Variants in ASCC2 observed in about 807,000 individuals in gnomAD.
The protein encoded by ASCC2 is ASC-1 complex subunit P100.
ASCC2 carries 42 observed loss-of-function variants against 93.5 expected under a neutral mutation model. The observed-to-expected ratio is 0.45, with a 90% CI of 0.35 to 0.58. The LOEUF is 0.58. Among genes scored for constraint, ASCC2 ranks in the 20% least tolerant of loss-of-function variants. The probability of loss-of-function intolerance (pLI) is 0.00; values close to 1 mark genes in which losing one functional copy is unlikely to be tolerated. For synonymous variants in ASCC2, 364 were observed against 384.2 expected, an observed-to-expected ratio of 0.95 and a Z score of 0.62; for missense variants, 859 against 977.6, an observed-to-expected ratio of 0.88 and a Z score of 1.62.
rs761541699 is a variant in ASCC2, at chr22:29,808,100, C to T, written c.908+11G>A. The T allele has an allele frequency of 5.6e-6, 9 of 1,613,984 alleles. No individual in the cohort carries two copies. In the South Asian group the frequency reaches 9.9e-5, roughly 18 times the overall value. On this transcript the variant is annotated intron_variant, in intron 9 of 19. Transcript: ENST00000307790. ...CCCACAACAACATTCTTAATTTTGTCCCCGCCTCACTTGCTATCTTCAAGC... is the reference window on the plus strand; with the variant it reads ...CCCACAACAACATTCTTAATTTTGTTCCCGCCTCACTTGCTATCTTCAAGC...
chr22:29,816,982 T>C (rs868656606), intron 5 of ASCC2, among the ~76,000 whole-genome samples: 6 of 152,208 alleles, frequency 3.9e-5, no homozygotes, highest in Admixed American at 2.6e-4. Flanking sequence ...TTTGGGCAGG[T>C]CTGTCCTTGG....
Position 29,806,812 on chromosome 22 carries a change from G to C in ASCC2, c.1001C>G (p.Pro334Arg). The C allele has an allele frequency of 6.2e-7, 1 of 1,612,736 alleles. No homozygotes were observed. Among genetic ancestry groups the C allele is most frequent in the South Asian group, 1.1e-5 (1 of 91,046 alleles). ...HIILNQICLLPILESSCDNIQ... is the reference protein window; with the variant it reads ...HIILNQICLLRILESSCDNIQ... ...GAGGGCTTACCTGCTTTCTAGGATGGGAAGGAGGCAGATCTGGTTCAGGAT... is the reference window on the plus strand; with the variant it reads ...GAGGGCTTACCTGCTTTCTAGGATGCGAAGGAGGCAGATCTGGTTCAGGAT... Residue 334 changes from proline (P) to arginine (R), a missense_variant, in exon 10 of 20, where the codon CCC becomes CGC. Physicochemically the swap from Pro to Arg is moderately radical, Grantham distance 103. Coordinates refer to ENST00000307790, the MANE Select transcript of ASCC2 (RefSeq NM_032204.5).
chr22:29,832,374 A>T, intron 1 of ASCC2, 32 bp from the exon 2 acceptor site: 1 of 1,522,266 alleles, frequency 6.6e-7, no homozygotes, highest in Non-Finnish European at 9.1e-7. Context: ...AGAAGAGAGC[A>T]GACACACAGA....
At chr22:29,831,670 C>G (rs550216434) in intron 2 of ASCC2, among the ~76,000 whole-genome samples, 8 of 152,302 alleles carry the variant, frequency 5.3e-5, no homozygotes, top group African/African-American at 1.9e-4. Flanking sequence ...CTACATCTAT[C>G]TCCTTCTTCA....
chr22:29,828,936 A>C (rs1382538233), intron 2 of ASCC2, among the ~76,000 whole-genome samples: 1 of 152,170 alleles, frequency 6.6e-6, no homozygotes, highest in Non-Finnish European at 1.5e-5. Context: ...GCACTTTCGG[A>C]GGCCAAGTCA....
Position 29,788,882 on chromosome 22 carries a change from A to T in ASCC2, c.*131T>A. 1 of 1,146,348 alleles carries T rather than the reference A, an allele frequency of 8.7e-7. No individual in the cohort carries two copies. The highest frequency in any genetic ancestry group is 1.3e-6 in the Non-Finnish European group (1 of 794,876). The allele number at this position is 1,146,348 out of a possible 1,614,324, so 71.0% of individuals were successfully genotyped here. A position where few individuals can be genotyped will look rare whatever the true frequency, so the allele number is the denominator to read the frequency against. ...CTGGTAGATGAGAGGCGGCCTTCTC[A>T]GGGGCTGCAAAGCTGAGGCTGTTGA... On this transcript the variant is annotated 3_prime_UTR_variant, in exon 20 of 20. Transcript: ENST00000307790.
chr22:29,831,313 A>G (rs2063117898), intron 2 of ASCC2, among the ~76,000 whole-genome samples: 1 of 151,786 alleles, frequency 6.6e-6, no homozygotes, highest in Admixed American at 6.6e-5. Flanking sequence ...TCCCATCCTG[A>G]CTCCCCTGAT....
intron 8 of ASCC2, chr22:29,809,901 T>C (rs913776286): frequency 2.6e-5 from 4 of 152,178 alleles, no homozygotes; most frequent in Non-Finnish European, 5.9e-5. Context: ...CTACCTCTTA[T>C]GACAGCAAAC....
At chr22:29,834,529 G>T (rs1437608751) in intron 1 of ASCC2, 7 of 470,890 alleles carry the variant, frequency 1.5e-5, no homozygotes, top group Non-Finnish European at 2.6e-5. Context: ...GACACACATG[G>T]TCTCTGCATA....
At chr22:29,836,971 CAG>C (rs1468062402) in intron 1 of ASCC2, among the ~76,000 whole-genome samples, 1 of 152,224 alleles carries the variant, frequency 6.6e-6, no homozygotes, top group African/African-American at 2.4e-5. Context: ...TGGGGAAAGA[CAG>C]ATACTTTTCC....
chr22:29,822,669 T>C (rs1050092748), intron 4 of ASCC2, among the ~76,000 whole-genome samples: 5 of 150,366 alleles, frequency 3.3e-5, no homozygotes, highest in Non-Finnish European at 5.9e-5. Flanking sequence ...TTTGTGTCTC[T>C]AGACTAAACA....
At chr22:29,806,654 G>T in intron 10 of ASCC2, 101 bp from the exon 11 acceptor site, 3 of 1,434,894 alleles carry the variant, frequency 2.1e-6, no homozygotes, top group Non-Finnish European at 2.9e-6. Flanking sequence ...GCCCAGTGGA[G>T]GAATGAGGCA....
intron 1 of ASCC2, among the ~76,000 whole-genome samples, chr22:29,833,825 G>A (rs115566557): frequency 2.1e-4 from 32 of 151,784 alleles, no homozygotes; most frequent in Non-Finnish European, 4.6e-4. Context: ...TCATATCTCA[G>A]ATATTGGGCC....
At position 29,801,019 on chromosome 22, in the gene ASCC2, C is replaced by A; in HGVS notation, c.1660G>T (p.Asp554Tyr). Residue 554 changes from aspartate (D) to tyrosine (Y), a missense_variant, in exon 15 of 20, where the codon GAC (aspartate) becomes TAC (tyrosine). Physicochemically the swap from Asp to Tyr is radical, Grantham distance 160 (BLOSUM62 -3). Transcript: ENST00000307790. ...EFDVFSRDSV[D>Y]LSRVHKGKST... ...TTGCCCTTGTGCACCCGGCTCAGGT[C>A]TACTGAGTCCCTGCTGAACACATCA... 2.5e-6 allele frequency: 4 copies of A among 1,601,636 alleles called. No individual in the cohort carries two copies. In the South Asian group the frequency reaches 4.4e-5, roughly 18 times the overall value.
chr22:29,822,503 G>T, intron 4 of ASCC2, 39 bp from the exon 5 acceptor site: 1 of 1,607,302 alleles, frequency 6.2e-7, no homozygotes. Flanking sequence ...GAGATTTTCT[G>T]AACACTCCTA....
intron 13 of ASCC2, among the ~76,000 whole-genome samples, chr22:29,804,135 T>C (rs1366588326): frequency 6.6e-6 from 1 of 152,184 alleles, no homozygotes; most frequent in Non-Finnish European, 1.5e-5. Flanking sequence ...GTCCTGGCCT[T>C]GGTGGCCAAT....
In ASCC2 at chr22:29,804,886, T is replaced by C. The variant is rs903579658; in HGVS notation, c.1161-56A>G. ...AGCTCCTAGCTCTGAAGCAGCATAA[T>C]TTCTCAGTCCCTCCCCAGCATCTGA... On this transcript the variant is annotated intron_variant, in intron 12 of 19. Transcript: ENST00000307790. 12 of 1,568,610 alleles carry C rather than the reference T, an allele frequency of 7.7e-6. No homozygotes were observed. The Admixed American group carries it at 2.1e-4, about 27-fold the overall frequency.
At chr22:29,837,563 A>G (rs952576929) in intron 1 of ASCC2, among the ~76,000 whole-genome samples, 1 of 152,244 alleles carries the variant, frequency 6.6e-6, no homozygotes, top group African/African-American at 2.4e-5. Context: ...AAAAGCTAAG[A>G]AAGGGAGGGG....
At position 29,822,541 on chromosome 22, in the gene ASCC2, C is replaced by T. The variant is rs572284770; in HGVS notation, c.412-77G>A. ...TTATAAATAGCAAACTCATGAGAAA[C>T]GATCTTTGGTTCCATCAAATGGGGA... On this transcript the variant is annotated intron_variant, in intron 4 of 19. Coordinates refer to ENST00000307790, the MANE Select transcript of ASCC2 (RefSeq NM_032204.5). 359 of 1,533,538 alleles carry T rather than the reference C, an allele frequency of 2.3e-4. 2 individuals carry two copies. In the South Asian group the frequency reaches 2.6e-3, roughly 11 times the overall value. The allele number at this position is 1,533,538 out of a possible 1,614,324, so 95.0% of individuals were successfully genotyped here. A position where few individuals can be genotyped will look rare whatever the true frequency, so the allele number is the denominator to read the frequency against.
Sources: allele counts gnomAD v4.1 joint callset (sites outside exome capture counted in the v4.1 genomes callset), GRCh38; gene constraint gnomAD v4.1.1; transcripts MANE v1.5; gene names NCBI Gene and HGNC (gene_info 2026-07-23, HGNC 2026-07-21).